PCDH15: variants seen among roughly 807,000 people sequenced by gnomAD.
PCDH15 encodes the protein protocadherin related 15.
In PCDH15, 129 loss-of-function variants were observed where a neutral mutation model predicts 178.5. The ratio of observed to expected loss-of-function variants is 0.72; its 90% CI spans 0.63 to 0.84. The LOEUF (loss-of-function observed/expected upper bound fraction) is 0.84, where lower values mean the gene tolerates loss of function less well. Ranked by LOEUF, PCDH15 falls within the 40% of genes least tolerant of loss-of-function variation. The probability of loss-of-function intolerance (pLI) is 0.00; values close to 1 mark genes in which losing one functional copy is unlikely to be tolerated. For missense variants in PCDH15, 2,230 were observed against 2,099.9 expected, an observed-to-expected ratio of 1.06 and a Z score of -1.21; for synonymous variants, 800 against 732.0, an observed-to-expected ratio of 1.09 and a Z score of -1.50.
intron 26 of PCDH15, among the ~76,000 whole-genome samples, chr10:53,882,431 G>GC (rs2080792529): frequency 6.6e-6 from 1 of 152,028 alleles, no homozygotes; most frequent in African/African-American, 2.4e-5. Flanking sequence ...GGACTTCGTC[G>GC]CCCCCACTAC....
intron 2 of PCDH15, among the ~76,000 whole-genome samples, chr10:55,520,094 GTA>G (rs199535924): frequency 1.6e-4 from 19 of 116,748 alleles, no homozygotes; most frequent in African/African-American, 5.3e-4. Flanking sequence ...GCATATATAT[GTA>G]TATATATACA....
intron 13 of PCDH15, among the ~76,000 whole-genome samples, chr10:54,172,491 C>CACACGG (rs1452007717): frequency 1.3e-5 from 2 of 152,076 alleles, no homozygotes; most frequent in Non-Finnish European, 2.9e-5. Context: ...GTGGTCTCTT[C>CACACGG]ACGCGCATGA....
At chr10:54,800,019 C>T (rs141359314) in intron 1 of PCDH15, among the ~76,000 whole-genome samples, 2 of 152,184 alleles carry the variant, frequency 1.3e-5, no homozygotes, top group African/African-American at 4.8e-5. Flanking sequence ...CTAGATTTGA[C>T]AATTGGCTCT....
At chr10:54,554,349 T>C (rs1031521297) in intron 2 of PCDH15, among the ~76,000 whole-genome samples, 3 of 152,204 alleles carry the variant, frequency 2.0e-5, no homozygotes, top group African/African-American at 7.2e-5. Flanking sequence ...TGTAAAAGTC[T>C]GGACAAAGTA....
In PCDH15 at chr10:54,421,845, CACTA is replaced by C. The variant is rs1386026489; in HGVS notation, c.158-42907_158-42904del. Among the ~76,000 whole-genome samples, 21 of 36,086 alleles carry C rather than the reference CACTA, an allele frequency of 5.8e-4. 1 individual carries two copies. The highest frequency in any genetic ancestry group is 1.2e-3 in the Non-Finnish European group (17 of 14,446). The allele number at this position is 36,086 out of a possible 152,430, so 23.7% of individuals were successfully genotyped here. ...ATATATATATATATATATACACACA[CACTA>C]TATATATATATATACACACACTATA... On this transcript the variant is annotated intron_variant, in intron 3 of 37. Coordinates refer to ENST00000644397, the MANE Select transcript of PCDH15 (RefSeq NM_001384140.1).
intron 2 of PCDH15, among the ~76,000 whole-genome samples, chr10:54,978,373 C>T (rs115498204): frequency 0.016 from 2,381 of 152,068 alleles, 77 homozygotes; most frequent in African/African-American, 0.054. Context: ...GCATGTTATA[C>T]GACTACTTTG....
intron 3 of PCDH15, among the ~76,000 whole-genome samples, chr10:54,851,846 A>G (rs1204442575): frequency 1.3e-5 from 2 of 152,164 alleles, no homozygotes; most frequent in East Asian, 3.9e-4. Context: ...CTGGGATTAC[A>G]AGTGTGAGCC....
intron 20 of PCDH15, among the ~76,000 whole-genome samples, chr10:54,008,322 A>G (rs147648606): frequency 1.6e-3 from 251 of 152,256 alleles, no homozygotes; most frequent in African/African-American, 5.7e-3. Context: ...CACGAATTAA[A>G]CCAACACTCT....
intron 3 of PCDH15, among the ~76,000 whole-genome samples, chr10:54,884,603 T>G (rs1954321228): frequency 6.6e-6 from 1 of 151,920 alleles, no homozygotes; most frequent in Non-Finnish European, 1.5e-5. Context: ...ATCTTTTCCA[T>G]GCTGCAAATC....
chr10:54,241,121 C>A (rs2055240554), intron 8 of PCDH15, among the ~76,000 whole-genome samples: 1 of 152,308 alleles, frequency 6.6e-6, no homozygotes, highest in Non-Finnish European at 1.5e-5. Flanking sequence ...GTAATATCCA[C>A]TAGCAGAAAA....
chr10:54,648,407 T>C (rs550285855), intron 2 of PCDH15, among the ~76,000 whole-genome samples: 2 of 152,252 alleles, frequency 1.3e-5, no homozygotes, highest in African/African-American at 2.4e-5. Flanking sequence ...GATTGTTATC[T>C]GTCTCTATCC....
At chr10:54,011,724 G>A (rs2092592536) in intron 20 of PCDH15, among the ~76,000 whole-genome samples, 1 of 152,132 alleles carries the variant, frequency 6.6e-6, no homozygotes, top group Non-Finnish European at 1.5e-5. Flanking sequence ...AAGGACAAGA[G>A]CTCAGTTACA....
intron 6 of PCDH15, among the ~76,000 whole-genome samples, chr10:54,333,731 A>G (rs1940392119): frequency 1.3e-5 from 2 of 152,196 alleles, no homozygotes; most frequent in African/African-American, 2.4e-5. Flanking sequence ...CCTAGCATCT[A>G]TTACCCAAAA....
intron 2 of PCDH15, among the ~76,000 whole-genome samples, chr10:54,970,617 T>TA (rs1480770945): frequency 2.1e-5 from 1 of 48,110 alleles, no homozygotes; most frequent in African/African-American, 2.7e-4. Context: ...GAAAATTCCC[T>TA]TAAAAAAACT....
intron 8 of PCDH15, among the ~76,000 whole-genome samples, chr10:54,268,200 G>T (rs983465418): frequency 6.6e-6 from 1 of 151,766 alleles, no homozygotes; most frequent in Non-Finnish European, 1.5e-5. Context: ...TCAATTAATA[G>T]TGCTGGGAAA....
intron 2 of PCDH15, among the ~76,000 whole-genome samples, chr10:55,086,723 T>C (rs766208117): frequency 2.0e-5 from 3 of 152,084 alleles, no homozygotes; most frequent in Non-Finnish European, 4.4e-5. Context: ...ACACAGTCAA[T>C]TTCCTGTCAT....
At chr10:54,166,980 C>A (rs979900174) in intron 13 of PCDH15, among the ~76,000 whole-genome samples, 1 of 152,202 alleles carries the variant, frequency 6.6e-6, no homozygotes, top group South Asian at 2.1e-4. Flanking sequence ...TTTCCTTTAC[C>A]TATCCAAATC....
chr10:54,591,426 G>C (rs1447394196), intron 2 of PCDH15, among the ~76,000 whole-genome samples: 2 of 152,106 alleles, frequency 1.3e-5, no homozygotes, highest in African/African-American at 4.8e-5. Flanking sequence ...CAAGGGACGT[G>C]GGTGGCCACT....
rs372464487 is a variant in PCDH15, at chr10:53,961,747, C to G, written c.3009+5G>C. The stretch of plus-strand genomic sequence containing the variant: ...ATAGACCACATAATGAAAAGAGACA[C>G]TGACCTTAAAAATTGTTGTAGGTTC... On this transcript the variant is annotated splice_donor_5th_base_variant and intron_variant, in intron 22 of 37. Coordinates refer to ENST00000644397, the MANE Select transcript of PCDH15 (RefSeq NM_001384140.1). The G allele has an allele frequency of 1.9e-6, 3 of 1,601,488 alleles. No individual in the cohort carries two copies. The African/African-American group carries it at 4.0e-5, about 21-fold the overall frequency.
Sources: gnomAD v4.1 joint callset for allele counts (sites outside exome capture counted in the v4.1 genomes callset) on GRCh38, gnomAD v4.1.1 for gene constraint, MANE v1.5 for transcripts, NCBI Gene and HGNC (gene_info 2026-07-23, HGNC 2026-07-21) for gene names.